LARP4B: variants seen among roughly 807,000 people sequenced by gnomAD.
The protein encoded by LARP4B is La ribonucleoprotein 4B.
Under a neutral mutation model 89.8 loss-of-function variants are expected in LARP4B, and 12 were observed. The observed-to-expected ratio is 0.13, with a 90% CI of 0.09 to 0.22. LARP4B has a LOEUF of 0.22. Among genes scored for constraint, LARP4B ranks in the 10% least tolerant of loss-of-function variants. The pLI, the probability that LARP4B is intolerant of heterozygous loss-of-function variation, is 1.00. For synonymous variants in LARP4B, 367 were observed against 363.3 expected (o/e 1.01, Z -0.12); for missense variants, 757 against 947.7 (o/e 0.80, Z 2.64).
At chr10:956,395 G>T in the LARP4B span, among the ~76,000 whole-genome samples, 1 of 151,808 alleles carries the variant, frequency 6.6e-6, no homozygotes, top group Admixed American at 6.6e-5. This position sits in a 1 kb window ranked among gnomAD's most constrained non-coding sequence, Gnocchi z 4.3. Flanking sequence ...CCCCAGGCTG[G>T]AGTGCAGTGG....
At position 814,798 on chromosome 10, in the gene LARP4B, G is replaced by A; in HGVS notation, c.1873C>T (p.Pro625Ser). The part of the protein sequence containing the change: ...QRETHSVDRL[P>S]SALTATACKS... ...CACGCGGTCGCAGTGAGGGCGGAAG[G>A]AAGTCTGTCCACACTGTGGGTTTCC... Residue 625 changes from proline (P) to serine (S), a missense_variant, in exon 17 of 18, where the codon CCT becomes TCT. Physicochemically the swap from Pro to Ser is moderately conservative, Grantham distance 74 (BLOSUM62 -1). Coordinates refer to ENST00000316157, the MANE Select transcript of LARP4B (RefSeq NM_015155.3). The surrounding 1 kb of genome is among the most constrained non-coding windows in gnomAD (Gnocchi z 4.4). 6.2e-7 allele frequency: 1 copy of A among 1,605,922 alleles called. No homozygotes were observed. Among genetic ancestry groups the A allele is most frequent in the Admixed American group, 1.7e-5 (1 of 59,546 alleles).
At position 863,753 on chromosome 10, in the gene LARP4B, AT is replaced by A; in HGVS notation, c.419del (p.Asn140IlefsTer70). 6.2e-7 allele frequency: 1 copy of A among 1,605,606 alleles called. No individual in the cohort carries two copies. Among genetic ancestry groups the A allele is most frequent in the Non-Finnish European group, 8.5e-7 (1 of 1,176,854 alleles). On this transcript the variant is annotated frameshift_variant, in exon 5 of 18. Coordinates refer to ENST00000316157, the MANE Select transcript of LARP4B (RefSeq NM_015155.3). LOFTEE classifies it high-confidence loss of function. ...GPSEYDSLPENSETGGNESQP... is the reference protein window; with the variant it reads ...GPSEYDSLPEXSETGGNESQP... ...ATAAGATATGTTTACCTGTCTCGCTATTTTCAGGCAGAGAGTCATATTCTGA... is the reference window on the plus strand; with the variant it reads ...ATAAGATATGTTTACCTGTCTCGCTATTTCAGGCAGAGAGTCATATTCTGA...
the LARP4B span, among the ~76,000 whole-genome samples, chr10:943,144 G>C: frequency 6.6e-6 from 1 of 151,910 alleles, no homozygotes; most frequent in East Asian, 1.9e-4. Flanking sequence ...ACAGGGTTTC[G>C]TCATGTTGCC....
chr10:895,756 A>AT (rs1836170787), intron 1 of LARP4B, among the ~76,000 whole-genome samples: 1 of 152,094 alleles, frequency 6.6e-6, no homozygotes, highest in African/African-American at 2.4e-5. Context: ...CTGCATAAAG[A>AT]TTTAAAAAAA....
At chr10:926,187 A>G (rs1837128500) in intron 1 of LARP4B, among the ~76,000 whole-genome samples, 1 of 152,228 alleles carries the variant, frequency 6.6e-6, no homozygotes, top group Non-Finnish European at 1.5e-5. Flanking sequence ...TAAAAAGAGA[A>G]TCTCACTCAC....
At chr10:819,686 T>C (rs1442072943) in intron 14 of LARP4B, 5 of 152,380 alleles carry the variant, frequency 3.3e-5, no homozygotes, top group African/African-American at 1.2e-4. Context: ...ATGCTTGACT[T>C]GTTAGTCCAA....
intron 1 of LARP4B, among the ~76,000 whole-genome samples, chr10:897,454 G>C (rs966355854): frequency 9.9e-5 from 15 of 152,170 alleles, no homozygotes; most frequent in African/African-American, 3.6e-4. Flanking sequence ...TCATAAACTT[G>C]TATTAGGCAA....
chr10:854,235 A>AC (rs1011924037), intron 5 of LARP4B, among the ~76,000 whole-genome samples: 2 of 152,054 alleles, frequency 1.3e-5, no homozygotes, highest in African/African-American at 4.8e-5. Context: ...CTGGTCATGA[A>AC]CCCCTCAATG....
chr10:889,759 G>A (rs904853781), intron 1 of LARP4B, among the ~76,000 whole-genome samples: 1 of 152,134 alleles, frequency 6.6e-6, no homozygotes, highest in Non-Finnish European at 1.5e-5. Context: ...AGACCAGACC[G>A]GCCAAAGTGG....
In LARP4B at chr10:853,339, G is replaced by C. The variant is rs1005005124; in HGVS notation, c.431-8284C>G. Among the ~76,000 whole-genome samples, 8 of 152,102 alleles carry C rather than the reference G, an allele frequency of 5.3e-5. No homozygotes were observed. In the East Asian group the frequency reaches 1.5e-3, roughly 29 times the overall value. On this transcript the variant is annotated intron_variant, in intron 5 of 17. Transcript: ENST00000316157. ...CACTAAACTGTTGTATATTTAATGT[G>C]AGATAGCAGTATGTCCTTAAAAAAA...
chr10:924,136 C>T (rs1837068394), intron 1 of LARP4B, among the ~76,000 whole-genome samples: 1 of 151,910 alleles, frequency 6.6e-6, no homozygotes, highest in Non-Finnish European at 1.5e-5. Context: ...CCCAGCTACT[C>T]GGGAGGCTAA....
chr10:898,921 A>G (rs1328763824), intron 1 of LARP4B, among the ~76,000 whole-genome samples: 1 of 152,214 alleles, frequency 6.6e-6, no homozygotes, highest in Non-Finnish European at 1.5e-5. Context: ...ATCATTTAAC[A>G]GGCAATTCAC....
intron 1 of LARP4B, among the ~76,000 whole-genome samples, chr10:897,187 T>A (rs1026237997): frequency 1.3e-5 from 2 of 152,026 alleles, no homozygotes; most frequent in African/African-American, 4.8e-5. Context: ...GACAAACAGA[T>A]CAATACAATA....
At chr10:847,361 A>T (rs574885078) in intron 5 of LARP4B, among the ~76,000 whole-genome samples, 1 of 152,188 alleles carries the variant, frequency 6.6e-6, no homozygotes, top group Admixed American at 6.5e-5. Flanking sequence ...TGTTGGTAAG[A>T]CACAGGCCAT....
Position 829,410 on chromosome 10 carries a change from G to A in LARP4B, c.1100C>T (p.Thr367Met), listed in dbSNP as rs144611807. The change falls in exon 11 of 18, where the codon ACG becomes ATG. Residue 367 changes from threonine to methionine, a missense_variant. Transcript: ENST00000316157. ...SLITPQTWSA[T>M]HSYLDPPLVT... ...CAAGGGTGGGTCAAGATAGCTGTGCGTTGCTGACCACGTCTGGGGAGTGAT... is the reference window on the plus strand; with the variant it reads ...CAAGGGTGGGTCAAGATAGCTGTGCATTGCTGACCACGTCTGGGGAGTGAT... The A allele has an allele frequency of 2.3e-4, 373 of 1,609,686 alleles. No individual in the cohort carries two copies. Among genetic ancestry groups the A allele is most frequent in the Non-Finnish European group, 2.9e-4 (340 of 1,177,266 alleles).
In LARP4B at chr10:814,596, T is replaced by A. The variant is rs1239275073; in HGVS notation, c.1929+146A>T. 1 of 1,525,854 alleles carries A rather than the reference T, an allele frequency of 6.6e-7. No individual in the cohort carries two copies. The highest frequency in any genetic ancestry group is 1.2e-5 in the South Asian group (1 of 82,716). The allele number at this position is 1,525,854 out of a possible 1,614,324, so 94.5% of individuals were successfully genotyped here. A position where few individuals can be genotyped will look rare whatever the true frequency, so the allele number is the denominator to read the frequency against. Reference sequence around the variant, plus strand: ...ATTAGCAAATATTAAAGGTATTTTGTACAGAAAACACAACACAGACAGACG... The same window carrying A: ...ATTAGCAAATATTAAAGGTATTTTGAACAGAAAACACAACACAGACAGACG... On this transcript the variant is annotated intron_variant, in intron 17 of 17. Transcript: ENST00000316157. The surrounding 1 kb of genome is among the most constrained non-coding windows in gnomAD (Gnocchi z 4.4).
chr10:915,943 A>G (rs1836808279), intron 1 of LARP4B, among the ~76,000 whole-genome samples: 1 of 152,162 alleles, frequency 6.6e-6, no homozygotes, highest in South Asian at 2.1e-4. Flanking sequence ...ATCCTTTTCA[A>G]TATTTGACAC....
the LARP4B span, among the ~76,000 whole-genome samples, chr10:945,686 T>TCA: frequency 6.6e-5 from 6 of 90,344 alleles, no homozygotes; most frequent in Non-Finnish European, 1.2e-4. Context: ...AGACTCCGTC[T>TCA]CAGAAAAAAA....
intron 1 of LARP4B, among the ~76,000 whole-genome samples, chr10:900,858 C>T (rs1259558378): frequency 6.6e-6 from 1 of 151,058 alleles, no homozygotes; most frequent in African/African-American, 2.4e-5. Context: ...ACCTCATGAT[C>T]TGCCTGCCTC....
Sources: allele counts gnomAD v4.1 joint callset (sites outside exome capture counted in the v4.1 genomes callset), GRCh38; gene constraint gnomAD v4.1.1; non-coding constraint Gnocchi (gnomAD v3.1); transcripts MANE v1.5; gene names NCBI Gene and HGNC (gene_info 2026-07-23, HGNC 2026-07-21).